The following C3 variants were observed in gnomAD, a reference collection of about 807,000 sequenced individuals.
C3 encodes complement C3.
In C3, 97 loss-of-function variants were observed where a neutral mutation model predicts 207.9. The ratio of observed to expected loss-of-function variants is 0.47; its 90% confidence interval spans 0.40 to 0.55. C3 has a LOEUF of 0.55. Among genes scored for constraint, C3 ranks in the 20% least tolerant of loss-of-function variants. The pLI is 0.00. For missense variants in C3, 1,684 were observed against 2,171.7 expected (o/e 0.78, Z 4.46); for synonymous variants, 848 against 857.6 (o/e 0.99, Z 0.20).
intron 33 of C3, among the ~76,000 whole-genome samples, chr19:6,683,875 C>A (rs1330905824): frequency 5.3e-5 from 8 of 152,212 alleles, no homozygotes; most frequent in Non-Finnish European, 1.0e-4. Context: ...CAGAGGAATG[C>A]TCAAGGCTAG....
At chr19:6,683,579 T>C (rs1038759597) in intron 33 of C3, among the ~76,000 whole-genome samples, 1 of 149,210 alleles carries the variant, frequency 6.7e-6, no homozygotes, top group Non-Finnish European at 1.5e-5. Flanking sequence ...GCCTCCCAAG[T>C]AGCTGGGACT....
chr19:6,688,838 C>T (rs1412451358), intron 27 of C3, among the ~76,000 whole-genome samples: 1 of 151,904 alleles, frequency 6.6e-6, no homozygotes, highest in Admixed American at 6.6e-5. Flanking sequence ...TGGAAACAGC[C>T]ATGTCTGCCC....
At position 6,707,895 on chromosome 19, in the gene C3, C is replaced by T; in HGVS notation, c.1880G>A (p.Cys627Tyr). 1.2e-6 allele frequency: 2 copies of T among 1,613,954 alleles called. No individual in the cohort carries two copies. Among genetic ancestry groups the T allele is most frequent in the Non-Finnish European group, 8.5e-7 (1 of 1,180,012 alleles). The change falls in exon 15 of 41, where the codon TGC (cysteine) becomes TAC (tyrosine). Residue 627 changes from cysteine to tyrosine, a missense_variant. Physicochemically the swap from Cys to Tyr is radical, Grantham distance 194. Coordinates refer to ENST00000245907, the MANE Select transcript of C3 (RefSeq NM_000064.4). ...GTAATCCTTCCCACTGCCCGGGGTG[C>T]AGCCGATGTCTGCCTTCTCCACCAC... ...WDVVEKADIG[C>Y]TPGSGKDYAG...
At chr19:6,709,991 A>C in intron 13 of C3, 149 bp from the exon 14 acceptor site, 1 of 339,986 alleles carries the variant, frequency 2.9e-6, no homozygotes, top group Non-Finnish European at 5.1e-6. Context: ...GAGAGAGAGA[A>C]AGGGAGAGAG....
At chr19:6,693,126 A>G (rs1320422893) in intron 25 of C3, 43 bp from the exon 26 acceptor site, 1 of 1,606,908 alleles carries the variant, frequency 6.2e-7, no homozygotes, top group East Asian at 2.2e-5. Context: ...TCTGAGATCC[A>G]GAGACTGCCA....
At chr19:6,693,573 G>A (rs979461427) in intron 24 of C3, 86 bp from the exon 25 acceptor site, 9 of 1,195,464 alleles carry the variant, frequency 7.5e-6, no homozygotes, top group Non-Finnish European at 9.6e-6. Flanking sequence ...GGTGCAGAGA[G>A]GGGACAGGGG....
Position 6,719,151 on chromosome 19 carries a change from G to A in C3, c.267+60C>T. On this transcript the variant is annotated intron_variant, in intron 2 of 40. Transcript: ENST00000245907. This position sits in a 1 kb window ranked among gnomAD's most constrained non-coding sequence, Gnocchi z 5.4. ...AGACAGAAGGGGAGGGGCTCAGGAG[G>A]AGGGGGGGAGTGGGCGTGGCTGTGG... 1 of 1,420,242 alleles carries A rather than the reference G, an allele frequency of 7.0e-7. No individual in the cohort carries two copies. The highest frequency in any genetic ancestry group is 1.1e-5 in the South Asian group (1 of 87,216). 88.0% of individuals were successfully genotyped at this position (1,420,242 alleles called of 1,614,324 possible).
chr19:6,718,472 C>T, intron 2 of C3, 60 bp from the exon 3 acceptor site: 2 of 1,595,844 alleles, frequency 1.3e-6, no homozygotes, highest in South Asian at 1.1e-5. Context: ...CACGGTCCAG[C>T]TTCCGGATCT....
chr19:6,719,376 C>T lies in C3; in HGVS notation c.102G>A (p.Leu34=), dbSNP rs776545076. 3 of 1,613,980 alleles carry T rather than the reference C, an allele frequency of 1.9e-6. No homozygotes were observed. The highest frequency in any genetic ancestry group is 2.2e-5 in the South Asian group (2 of 91,076). The change falls in exon 2 of 41, where the codon TTG becomes TTA. Residue 34 remains leucine, a synonymous_variant. Coordinates refer to ENST00000245907, the MANE Select transcript of C3 (RefSeq NM_000064.4). The surrounding 1 kb of genome is among the most constrained non-coding windows in gnomAD (Gnocchi z 5.4). ...PMYSIITPNI[L]RLESEETMVL... is the part of the protein sequence containing the mutation. ...CCATGGTCTCCTCGCTCTCCAGCCG[C>T]AAGATGTTGGGGGTGATGATAGAGT...
intron 19 of C3, among the ~76,000 whole-genome samples, chr19:6,701,819 C>A (rs1302205891): frequency 6.6e-6 from 1 of 152,210 alleles, no homozygotes; most frequent in Admixed American, 6.5e-5. Flanking sequence ...GCCATCGAGG[C>A]TGGCCCTGTC....
intron 19 of C3, among the ~76,000 whole-genome samples, chr19:6,700,101 T>C (rs1374076076): frequency 2.1e-5 from 3 of 145,870 alleles, no homozygotes; most frequent in African/African-American, 7.5e-5. Flanking sequence ...TATTAAATTA[T>C]AATGAATTAT....
chr19:6,684,949 G>GA, intron 30 of C3, 39 bp downstream of exon 30: 1 of 1,612,244 alleles, frequency 6.2e-7, no homozygotes, highest in South Asian at 1.1e-5. Flanking sequence ...TGTAGGGGGA[G>GA]ACAGCCAGAG....
At chr19:6,689,041 G>A (rs565168902) in intron 27 of C3, among the ~76,000 whole-genome samples, 2 of 152,156 alleles carry the variant, frequency 1.3e-5, no homozygotes, top group Non-Finnish European at 2.9e-5. Flanking sequence ...CGGGAGAGAG[G>A]AGCAAAGCAT....
intron 38 of C3, 77 bp from the exon 39 acceptor site, chr19:6,678,532 G>C: frequency 1.7e-6 from 2 of 1,180,896 alleles, no homozygotes; most frequent in Non-Finnish European, 2.5e-6. Flanking sequence ...AAGTGCACCC[G>C]GGCATGTGGC....
chr19:6,686,626 C>T, intron 28 of C3, 120 bp downstream of exon 28: 1 of 1,077,584 alleles, frequency 9.3e-7, no homozygotes, highest in East Asian at 2.3e-5. Context: ...GACTATCCAT[C>T]TCAGCTTGGC....
intron 14 of C3, among the ~76,000 whole-genome samples, chr19:6,708,581 T>C (rs58003878): frequency 0.034 from 5,156 of 149,698 alleles, 329 homozygotes; most frequent in African/African-American, 0.12. Flanking sequence ...CCTTCCTTCT[T>C]TCCTTCCTTC....
chr19:6,691,607 G>A (rs1400042002), intron 26 of C3, among the ~76,000 whole-genome samples: 1 of 152,200 alleles, frequency 6.6e-6, no homozygotes, highest in Non-Finnish European at 1.5e-5. Context: ...AAGTCTGGAA[G>A]CCTGAAAGGT....
At position 6,678,302 on chromosome 19, in the gene C3, A is replaced by T. The variant is rs1319943841; in HGVS notation, c.4715-15T>A. ...CTCATCCGAGCCTGGAGTGGAGGGG[A>T]GAGGGAAGAAGCTGAGTCGTGGGGA... On this transcript the variant is annotated splice_polypyrimidine_tract_variant and intron_variant, in intron 39 of 40. Transcript: ENST00000245907. 6.8e-6 allele frequency: 11 copies of T among 1,613,876 alleles called. No individual in the cohort carries two copies. The South Asian group carries it at 1.2e-4, about 18-fold the overall frequency.
Position 6,715,121 on chromosome 19 carries a change from G to A in C3, c.505-675C>T, listed in dbSNP as rs114005706. On this transcript the variant is annotated intron_variant, in intron 4 of 40. Transcript: ENST00000245907. ...TTTGCTGCCAACATTTAAACATCAT[G>A]AGACATCATTGCACCACTGCACTCC... Among the ~76,000 whole-genome samples the A allele has an allele frequency of 6.4e-3, 976 of 152,184 alleles. 8 individuals are homozygous for A. The highest frequency in any genetic ancestry group is 0.022 in the African/African-American group (927 of 41,514).
Sources: gnomAD v4.1 joint callset for allele counts (sites outside exome capture counted in the v4.1 genomes callset) on GRCh38, gnomAD v4.1.1 for gene constraint, Gnocchi (gnomAD v3.1) non-coding constraint, MANE v1.5 for transcripts, NCBI Gene and HGNC (gene_info 2026-07-23, HGNC 2026-07-21) for gene names.